The following WDPCP variants were observed in gnomAD, a reference collection of about 807,000 sequenced individuals.
The protein encoded by WDPCP is WD repeat-containing and planar cell polarity effector protein fritz homolog.
A neutral mutation model predicts 93.1 loss-of-function variants in WDPCP; 71 were observed. The observed-to-expected ratio is 0.76, with a 90% confidence interval of 0.63 to 0.93. WDPCP has a LOEUF of 0.93. Ranked by LOEUF, WDPCP falls within the 40% of genes least tolerant of loss-of-function variation. The pLI is 0.00. For missense variants in WDPCP, 844 were observed against 887.4 expected (o/e 0.95, Z 0.62); for synonymous variants, 315 against 315.0 (o/e 1.00, Z 0.00).
chr2:63,141,339 A>C (rs529209579), intron 17 of WDPCP, among the ~76,000 whole-genome samples: 1 of 152,204 alleles, frequency 6.6e-6, no homozygotes, highest in Admixed American at 6.5e-5. Flanking sequence ...AGCCCCCCAA[A>C]GTGCTGGGAT....
intron 17 of WDPCP, among the ~76,000 whole-genome samples, chr2:63,122,347 T>C (rs1207479022): frequency 2.6e-5 from 4 of 152,138 alleles, no homozygotes; most frequent in Admixed American, 2.6e-4. Context: ...CAATGAAAAA[T>C]TGCAAACTGT....
At chr2:63,696,614 G>C (rs1208313968) in intron 2 of WDPCP, among the ~76,000 whole-genome samples, 1 of 152,180 alleles carries the variant, frequency 6.6e-6, no homozygotes, top group African/African-American at 2.4e-5. Context: ...ACAGTTCACT[G>C]AGTACACACC....
chr2:63,411,995 T>C (rs1050796573), intron 9 of WDPCP, among the ~76,000 whole-genome samples: 4 of 152,020 alleles, frequency 2.6e-5, no homozygotes, highest in South Asian at 4.1e-4. Flanking sequence ...CTCCACAAGA[T>C]AGAGAAAGGA....
intron 2 of WDPCP, among the ~76,000 whole-genome samples, chr2:63,800,589 C>T (rs1670681040): frequency 6.6e-6 from 1 of 152,152 alleles, no homozygotes; most frequent in South Asian, 2.1e-4. Flanking sequence ...GGGAATATAA[C>T]TCCAGGGTTA....
intron 14 of WDPCP, among the ~76,000 whole-genome samples, chr2:63,218,876 C>G (rs1677574963): frequency 6.6e-6 from 1 of 152,096 alleles, no homozygotes; most frequent in Admixed American, 6.5e-5. Context: ...TACTAAAAAT[C>G]TCCAATGAAG....
chr2:63,297,482 C>A (rs574264009), intron 13 of WDPCP, among the ~76,000 whole-genome samples: 1 of 152,276 alleles, frequency 6.6e-6, no homozygotes, highest in East Asian at 1.9e-4. Flanking sequence ...CCCTCTCGTT[C>A]TTATCATGCC....
intron 9 of WDPCP, among the ~76,000 whole-genome samples, chr2:63,433,113 T>C (rs563960036): frequency 6.6e-6 from 1 of 152,284 alleles, no homozygotes; most frequent in Non-Finnish European, 1.5e-5. Flanking sequence ...TAGGTTCACA[T>C]ATATGAATGG....
chr2:63,276,838 G>GC (rs1471012867), intron 13 of WDPCP, among the ~76,000 whole-genome samples: 1 of 152,184 alleles, frequency 6.6e-6, no homozygotes. Context: ...CCTTAGCCTT[G>GC]CTAGAGATCT....
chr2:63,776,303 AAC>A (rs1670302388), intron 2 of WDPCP, among the ~76,000 whole-genome samples: 1 of 152,076 alleles, frequency 6.6e-6, no homozygotes, highest in African/African-American at 2.4e-5. Context: ...CAATAATAAG[AAC>A]ACACACAACC....
intron 1 of WDPCP, among the ~76,000 whole-genome samples, chr2:63,535,387 G>C (rs1263076029): frequency 6.6e-6 from 1 of 152,172 alleles, no homozygotes; most frequent in East Asian, 1.9e-4. Flanking sequence ...AACCAAAAAA[G>C]ACCCGGCATT....
intron 6 of WDPCP, among the ~76,000 whole-genome samples, chr2:63,480,864 A>G (rs1700225151): frequency 6.6e-6 from 1 of 152,190 alleles, no homozygotes; most frequent in Non-Finnish European, 1.5e-5. Flanking sequence ...AGCAAATGCA[A>G]TAACAACAAA....
chr2:63,353,047 A>G (rs1009435817), intron 12 of WDPCP, among the ~76,000 whole-genome samples: 3 of 152,196 alleles, frequency 2.0e-5, no homozygotes, highest in African/African-American at 7.2e-5. Context: ...AAAGAAAAGC[A>G]CAACAGGACG....
chr2:63,573,992 A>G (rs1175269100), intron 1 of WDPCP, among the ~76,000 whole-genome samples: 1 of 152,148 alleles, frequency 6.6e-6, no homozygotes, highest in East Asian at 1.9e-4. Flanking sequence ...TTTTGGTCAG[A>G]CTGGTTGTCT....
intron 1 of WDPCP, among the ~76,000 whole-genome samples, chr2:63,493,227 T>TTC (rs1342006788): frequency 6.6e-6 from 1 of 152,178 alleles, no homozygotes; most frequent in East Asian, 1.9e-4. Flanking sequence ...TATGTTTGGT[T>TTC]AAGGCTCTGA....
chr2:63,283,758 T>G (rs893881353), intron 13 of WDPCP, among the ~76,000 whole-genome samples: 6 of 152,246 alleles, frequency 3.9e-5, no homozygotes. Flanking sequence ...GGGTTGTGAC[T>G]TTTTGTCTGT....
chr2:63,740,494 T>C (rs2103852840), intron 2 of WDPCP, among the ~76,000 whole-genome samples: 2 of 152,270 alleles, frequency 1.3e-5, no homozygotes, highest in South Asian at 4.1e-4. Flanking sequence ...AATAAATGAT[T>C]GGGCTTCGCA....
intron 10 of WDPCP, among the ~76,000 whole-genome samples, chr2:63,394,916 C>A (rs1035327653): frequency 3.3e-5 from 5 of 151,980 alleles, no homozygotes; most frequent in Admixed American, 2.0e-4. Flanking sequence ...TGGTAAGGAT[C>A]GAAAAACTGC....
intron 1 of WDPCP, among the ~76,000 whole-genome samples, chr2:63,569,755 C>T (rs1258395471): frequency 6.6e-6 from 1 of 152,126 alleles, no homozygotes; most frequent in Non-Finnish European, 1.5e-5. Flanking sequence ...CCCCCAAATT[C>T]CCCACCTACA....
chr2:63,811,065 G>GGTTT (rs762870845), intron 2 of WDPCP, among the ~76,000 whole-genome samples: 4 of 152,040 alleles, frequency 2.6e-5, no homozygotes, highest in Admixed American at 2.6e-4. Context: ...TTGTTTTTTT[G>GGTTT]GTTTGTTTGT....
Sources: gnomAD v4.1 joint callset for allele counts (sites outside exome capture counted in the v4.1 genomes callset) on GRCh38, gnomAD v4.1.1 for gene constraint, MANE v1.5 for transcripts, NCBI Gene and HGNC (gene_info 2026-07-23, HGNC 2026-07-21) for gene names.